Variants in THRB observed in about 807,000 individuals in gnomAD.
THRB encodes the protein thyroid hormone receptor beta.
Under a neutral mutation model 47.8 loss-of-function variants are expected in THRB, and 12 were observed. The observed-to-expected ratio is 0.25, with a 90% CI of 0.16 to 0.41. THRB has a LOEUF of 0.41. Among genes scored for constraint, THRB ranks in the 10% least tolerant of loss-of-function variants. The pLI is 1.00. For missense variants in THRB, 348 were observed against 589.2 expected (o/e 0.59, Z 4.24); for synonymous variants, 218 against 212.2 (o/e 1.03, Z -0.24).
chr3:24,446,691 T>C (rs566443104), intron 1 of THRB, among the ~76,000 whole-genome samples: 2 of 152,322 alleles, frequency 1.3e-5, no homozygotes, highest in East Asian at 3.9e-4. Context: ...AACCATATCA[T>C]TTGATCACTC....
At chr3:24,261,497 C>CAAAAAAAAAAAA (rs35109952) in intron 3 of THRB, among the ~76,000 whole-genome samples, 1 of 88,254 alleles carries the variant, frequency 1.1e-5, no homozygotes, top group East Asian at 3.3e-4. Flanking sequence ...GATTCTGTCT[C>CAAAAAAAAAAAA]AAAAAAAAAA....
chr3:24,434,766 A>G (rs1577537732), intron 1 of THRB, among the ~76,000 whole-genome samples: 1 of 152,304 alleles, frequency 6.6e-6, no homozygotes, highest in South Asian at 2.1e-4. Context: ...GGGGAAAAAG[A>G]ATGATGAGTG....
chr3:24,349,301 C>T (rs1283596949), intron 1 of THRB, among the ~76,000 whole-genome samples: 2 of 151,886 alleles, frequency 1.3e-5, no homozygotes, highest in Non-Finnish European at 2.9e-5. Context: ...ATACAGTAAT[C>T]CCTATCAAAA....
At chr3:24,309,625 A>G (rs995797447) in intron 2 of THRB, among the ~76,000 whole-genome samples, 1 of 152,228 alleles carries the variant, frequency 6.6e-6, no homozygotes, top group Non-Finnish European at 1.5e-5. Flanking sequence ...TGTCTTACTA[A>G]GTTCATCTTC....
chr3:24,194,527 A>C (rs961980889), intron 4 of THRB, among the ~76,000 whole-genome samples: 4 of 152,230 alleles, frequency 2.6e-5, no homozygotes, highest in Non-Finnish European at 5.9e-5. Flanking sequence ...TAAGTAGAAC[A>C]AAATAAAATA....
At chr3:24,396,020 T>C (rs2066933791) in intron 1 of THRB, among the ~76,000 whole-genome samples, 4 of 152,088 alleles carry the variant, frequency 2.6e-5, no homozygotes, top group African/African-American at 9.7e-5. Flanking sequence ...CTAGTGGATT[T>C]CTTTTTGAGG....
At chr3:24,228,835 A>T in intron 4 of THRB, 103 bp downstream of exon 4, 1 of 1,060,578 alleles carries the variant, frequency 9.4e-7, no homozygotes, top group Non-Finnish European at 1.4e-6. Flanking sequence ...TTTGGAAATA[A>T]CGGTTGCTAA....
intron 1 of THRB, among the ~76,000 whole-genome samples, chr3:24,442,722 G>A (rs1470601475): frequency 2.0e-5 from 3 of 152,046 alleles, no homozygotes; most frequent in Admixed American, 6.6e-5. Flanking sequence ...TACTCGGGAG[G>A]CTGACGCAGG....
At chr3:24,462,340 A>T (rs2073781417) in intron 1 of THRB, among the ~76,000 whole-genome samples, 1 of 152,214 alleles carries the variant, frequency 6.6e-6, no homozygotes, top group African/African-American at 2.4e-5. Context: ...AATGATCTCT[A>T]TGTATCTCTC....
intron 3 of THRB, among the ~76,000 whole-genome samples, chr3:24,294,700 G>A (rs2056294606): frequency 6.6e-6 from 1 of 152,182 alleles, no homozygotes; most frequent in African/African-American, 2.4e-5. Flanking sequence ...GCACCTTGAT[G>A]ACCTGTCATG....
At position 24,142,291 on chromosome 3, in the gene THRB, G is replaced by A. The variant is rs563704731; in HGVS notation, c.738+1210C>T. ...ATGAAAAGCACTTAGAATAGTACCT[G>A]GCATATGGTAAAGGCCATCTAGGTA... On this transcript the variant is annotated intron_variant, in intron 8 of 10. Coordinates refer to ENST00000646209, the MANE Select transcript of THRB (RefSeq NM_001354712.2). 2.0e-5 allele frequency among the ~76,000 whole-genome samples: 3 copies of A among 152,304 alleles called. No individual in the cohort carries two copies. The South Asian group carries it at 6.2e-4, about 32-fold the overall frequency.
At chr3:24,395,520 G>T (rs942557770) in intron 1 of THRB, among the ~76,000 whole-genome samples, 6 of 151,974 alleles carry the variant, frequency 3.9e-5, no homozygotes, top group African/African-American at 1.4e-4. Flanking sequence ...ATAAAAAGAC[G>T]TTCAACTTGA....
chr3:24,382,248 G>T (rs553337093), intron 1 of THRB, among the ~76,000 whole-genome samples: 1 of 152,008 alleles, frequency 6.6e-6, no homozygotes, highest in Admixed American at 6.6e-5. Context: ...TAAATACAAA[G>T]CGTCATTAGG....
rs2043111405 is a variant in THRB at position 24,189,898 on chromosome 3, ATTTAT to A, written c.283+171_283+175del. 51 of 643,896 alleles carry A rather than the reference ATTTAT, an allele frequency of 7.9e-5. No individual in the cohort carries two copies. The South Asian group carries it at 9.4e-4, about 12-fold the overall frequency. 39.9% of individuals were successfully genotyped at this position (643,896 alleles called of 1,614,324 possible). A position where few individuals can be genotyped will look rare whatever the true frequency, so the allele number is the denominator to read the frequency against. On this transcript the variant is annotated intron_variant, in intron 5 of 10. Transcript: ENST00000646209. ...AGCTGCCTTTCTTTGGATTCCACTT[ATTTAT>A]TTATGTTTAAAAGAATATTTGAAGA...
At chr3:24,218,342 C>CTTTTT (rs869304743) in intron 4 of THRB, among the ~76,000 whole-genome samples, 15 of 117,224 alleles carry the variant, frequency 1.3e-4, no homozygotes, top group Admixed American at 5.4e-4. Context: ...CTCTCTCTCT[C>CTTTTT]TTTTTTTTTT....
intron 1 of THRB, among the ~76,000 whole-genome samples, chr3:24,459,765 G>C (rs2073531484): frequency 6.6e-6 from 1 of 152,100 alleles, no homozygotes; most frequent in Non-Finnish European, 1.5e-5. Flanking sequence ...GTCTTCTTTT[G>C]AGAAGTGTCT....
At chr3:24,208,038 C>T (rs1046953420) in intron 4 of THRB, among the ~76,000 whole-genome samples, 1 of 152,112 alleles carries the variant, frequency 6.6e-6, no homozygotes, top group Non-Finnish European at 1.5e-5. Context: ...CACAAGCATT[C>T]CTATACACCA....
At chr3:24,345,975 G>A (rs1207412569) in intron 1 of THRB, among the ~76,000 whole-genome samples, 1 of 151,954 alleles carries the variant, frequency 6.6e-6, no homozygotes, top group East Asian at 1.9e-4. Context: ...ATTAAATAAA[G>A]TTAATAAAGC....
intron 5 of THRB, among the ~76,000 whole-genome samples, chr3:24,176,727 G>T (rs1259552735): frequency 6.6e-6 from 1 of 151,832 alleles, no homozygotes; most frequent in Non-Finnish European, 1.5e-5. Flanking sequence ...TTCCACTTTT[G>T]TTAAGCTTCA....
Sources: gnomAD v4.1 joint callset for allele counts (sites outside exome capture counted in the v4.1 genomes callset) on GRCh38, gnomAD v4.1.1 for gene constraint, MANE v1.5 for transcripts, NCBI Gene and HGNC (gene_info 2026-07-23, HGNC 2026-07-21) for gene names.